Variants in THOC1 observed in about 807,000 individuals in gnomAD.
THOC1 encodes THO complex subunit 1, also known as THO complex 1.
THOC1 carries 29 observed loss-of-function variants against 97.3 expected under a neutral mutation model. That is an observed-to-expected ratio of 0.30 (90% CI 0.22 to 0.41). THOC1 has a LOEUF of 0.41. Ranked by LOEUF, THOC1 falls within the 10% of genes least tolerant of loss-of-function variation. THOC1 has a pLI of 1.00. For synonymous variants in THOC1, 255 were observed against 257.0 expected (o/e 0.99, Z 0.07); for missense variants, 529 against 761.9 (o/e 0.69, Z 3.60).
chr18:248,941 A>G (rs1341884362), intron 9 of THOC1, among the ~76,000 whole-genome samples: 6 of 152,016 alleles, frequency 3.9e-5, no homozygotes, highest in East Asian at 3.9e-4. Flanking sequence ...TAGTAGAGAC[A>G]GCATTTCACC....
At chr18:240,059 A>T (rs1462427808) in intron 11 of THOC1, among the ~76,000 whole-genome samples, 1 of 152,208 alleles carries the variant, frequency 6.6e-6, no homozygotes, top group African/African-American at 2.4e-5. Context: ...GAGAGTTCTC[A>T]TTTCTAGAGG....
At chr18:229,478 G>A (rs1423642280) in intron 11 of THOC1, among the ~76,000 whole-genome samples, 8 of 151,596 alleles carry the variant, frequency 5.3e-5, no homozygotes, top group Admixed American at 2.0e-4. Context: ...TCAGGAGTTC[G>A]AGACCAGCCT....
intron 4 of THOC1, 90 bp from the exon 5 acceptor site, chr18:260,394 G>A (rs1912567191): frequency 1.2e-6 from 1 of 855,868 alleles, no homozygotes; most frequent in East Asian, 3.3e-5. Flanking sequence ...TATCTTAAAA[G>A]GTACACTTTG....
chr18:217,341 C>T (rs1469937224), intron 18 of THOC1, among the ~76,000 whole-genome samples: 1 of 152,216 alleles, frequency 6.6e-6, no homozygotes, highest in African/African-American at 2.4e-5. Context: ...AAGAGCCTTC[C>T]TCTCTGACAT....
At chr18:231,093 G>T (rs1258888744) in intron 11 of THOC1, among the ~76,000 whole-genome samples, 2 of 152,074 alleles carry the variant, frequency 1.3e-5, no homozygotes, top group Non-Finnish European at 2.9e-5. Context: ...TGAGCAAAGG[G>T]CTTTTATTAT....
At chr18:262,584 T>C (rs893812185) in intron 4 of THOC1, among the ~76,000 whole-genome samples, 9 of 152,212 alleles carry the variant, frequency 5.9e-5, no homozygotes, top group African/African-American at 1.9e-4. Context: ...ATAAAGGTAA[T>C]CAATGAACTC....
At chr18:216,666 A>C (rs1910902130) in intron 18 of THOC1, 33 bp from the exon 19 acceptor site, 1 of 1,598,498 alleles carries the variant, frequency 6.3e-7, no homozygotes, top group Non-Finnish European at 8.5e-7. Context: ...TGTAATTTAT[A>C]GCTTTGTATT....
intron 17 of THOC1, among the ~76,000 whole-genome samples, chr18:221,685 T>C (rs1911087865): frequency 1.4e-5 from 2 of 146,230 alleles, no homozygotes; most frequent in African/African-American, 2.5e-5. Flanking sequence ...CTCGACTCAC[T>C]GCAAGCTCCG....
chr18:219,128 G>A, intron 17 of THOC1, 159 bp from the exon 18 acceptor site: 2 of 207,434 alleles, frequency 9.6e-6, no homozygotes, highest in Non-Finnish European at 1.6e-5. Context: ...TACTCATAAA[G>A]TGGTGGCAGG....
At chr18:236,613 T>C (rs1347364430) in intron 11 of THOC1, among the ~76,000 whole-genome samples, 2 of 152,010 alleles carry the variant, frequency 1.3e-5, no homozygotes, top group East Asian at 1.9e-4. Context: ...TCCGCCCGCC[T>C]CGGCCTCCCA....
In THOC1 at chr18:224,185, G is replaced by A. The variant is rs377750024; in HGVS notation, c.1209-6C>T. 4.8e-5 allele frequency: 75 copies of A among 1,574,032 alleles called. No homozygotes were observed. The highest frequency in any genetic ancestry group is 1.7e-4 in the Middle Eastern group (1 of 6,034). On this transcript the variant is annotated splice_polypyrimidine_tract_variant and splice_region_variant and intron_variant, in intron 15 of 20. Coordinates refer to ENST00000261600, the MANE Select transcript of THOC1 (RefSeq NM_005131.3). ...TAGGTTTGGTATCTGATGTTCTGTC[G>A]TGAACAAAACATACACTATTTTTTG...
intron 11 of THOC1, among the ~76,000 whole-genome samples, chr18:230,661 T>C (rs983881268): frequency 2.6e-5 from 4 of 152,204 alleles, no homozygotes; most frequent in Non-Finnish European, 5.9e-5. Flanking sequence ...TTTCATAATA[T>C]CTACTATCTA....
intron 17 of THOC1, among the ~76,000 whole-genome samples, chr18:220,671 TTTA>T (rs1911045087): frequency 2.6e-5 from 4 of 152,156 alleles, no homozygotes. Context: ...TTCTCAGAGG[TTTA>T]TTAAGGTTTC....
In THOC1 at chr18:254,301, T is replaced by C. The variant is rs1263180649; in HGVS notation, c.575A>G (p.Asn192Ser). Residue 192 changes from asparagine (N) to serine (S), a missense_variant, in exon 8 of 21, where the codon AAT (asparagine) becomes AGT (serine). Asn to Ser is a conservative substitution (Grantham distance 46, BLOSUM62 1). This residue lies in a region of THOC1 where 92 missense variants were observed against 127.0 expected (regional missense o/e 0.72). Coordinates refer to ENST00000261600, the MANE Select transcript of THOC1 (RefSeq NM_005131.3). This position sits in a 1 kb window ranked among gnomAD's most constrained non-coding sequence, Gnocchi z 4.1. ...CTGACCCAGGGTGCTTTCCTGCTCA[T>C]TTGTATTGAAAACAGTGACATTTTC... is the stretch of plus-strand genomic sequence containing the variant. ...NLENVTVFNT[N>S]EQESTLGQKH... is the part of the protein sequence containing the mutation. 2 of 1,584,238 alleles carry C rather than the reference T, an allele frequency of 1.3e-6. No homozygotes were observed. Among genetic ancestry groups the C allele is most frequent in the Admixed American group, 3.6e-5 (2 of 55,420 alleles).
intron 17 of THOC1, among the ~76,000 whole-genome samples, chr18:221,226 G>A (rs551062752): frequency 1.3e-4 from 20 of 152,098 alleles, no homozygotes; most frequent in Admixed American, 1.0e-3. Context: ...AATTCTAAAT[G>A]TATTACACTA....
intron 11 of THOC1, among the ~76,000 whole-genome samples, chr18:231,011 C>T (rs541303325): frequency 2.0e-5 from 3 of 152,320 alleles, no homozygotes; most frequent in East Asian, 1.9e-4. Flanking sequence ...CTCAGCCTTA[C>T]AAAGTGCTGG....
intron 11 of THOC1, among the ~76,000 whole-genome samples, chr18:237,300 G>A (rs1911742030): frequency 6.6e-6 from 1 of 151,794 alleles, no homozygotes; most frequent in African/African-American, 2.4e-5. Context: ...GGGACTACAG[G>A]TGCGCACTAC....
In THOC1 at chr18:214,804, A is replaced by G. The variant is rs1422973174; in HGVS notation, c.1796T>C (p.Ile599Thr). 6.2e-7 allele frequency: 1 copy of G among 1,613,890 alleles called. No homozygotes were observed. The highest frequency in any genetic ancestry group is 8.5e-7 in the Non-Finnish European group (1 of 1,179,842). ...TTCACTGTCACACTCAATCTGCCTA[A>G]TTTCTGAGTCTTTCATTTCCAAGTA... ...APYLEMKDSE[I>T]RQIECDSEDM... Residue 599 changes from isoleucine (I) to threonine (T), a missense_variant, in exon 21 of 21, where the codon ATT becomes ACT. Physicochemically the swap from Ile to Thr is moderately conservative, Grantham distance 89. Around this residue, in one of 8 missense-constraint regions of THOC1, gnomAD observed 98 missense variants for 111.9 expected, o/e 0.88. Transcript: ENST00000261600.
intron 11 of THOC1, among the ~76,000 whole-genome samples, chr18:227,643 AAC>A (rs1455531333): frequency 6.6e-6 from 1 of 152,208 alleles, no homozygotes; most frequent in Non-Finnish European, 1.5e-5. Context: ...CTGTAAGAAT[AAC>A]CTGCGGCGAT....
Sources: gnomAD v4.1 joint callset for allele counts (sites outside exome capture counted in the v4.1 genomes callset) on GRCh38, gnomAD v4.1.1 for gene constraint, gnomAD v4.1.1 regional missense constraint, Gnocchi (gnomAD v3.1) non-coding constraint, MANE v1.5 for transcripts, NCBI Gene and HGNC (gene_info 2026-07-23, HGNC 2026-07-21) for gene names.